The following KIAA1328 variants were observed in gnomAD, a reference collection of about 807,000 sequenced individuals.
KIAA1328 encodes protein hinderin.
A neutral mutation model predicts 68.1 loss-of-function variants in KIAA1328; 52 were observed. That is an observed-to-expected ratio of 0.76 (90% CI 0.61 to 0.96). The LOEUF (loss-of-function observed/expected upper bound fraction) is 0.96. Among genes scored for constraint, KIAA1328 ranks in the 40% least tolerant of loss-of-function variants. The pLI is 0.00. For synonymous variants in KIAA1328, 232 were observed against 239.4 expected (o/e 0.97, Z 0.28); for missense variants, 641 against 677.6 (o/e 0.95, Z 0.60).
chr18:36,839,847 C>T (rs1332340044), intron 3 of KIAA1328, among the ~76,000 whole-genome samples: 1 of 152,182 alleles, frequency 6.6e-6, no homozygotes, highest in Non-Finnish European at 1.5e-5. Flanking sequence ...CTGGTGGGAA[C>T]AGACTGTTCT....
intron 6 of KIAA1328, among the ~76,000 whole-genome samples, chr18:37,025,788 A>G (rs932897033): frequency 6.6e-6 from 1 of 152,192 alleles, no homozygotes; most frequent in African/African-American, 2.4e-5. Flanking sequence ...TCTAAAATTG[A>G]CACCCTAACA....
At chr18:37,170,449 G>C (rs1034286025) in intron 8 of KIAA1328, among the ~76,000 whole-genome samples, 3 of 152,152 alleles carry the variant, frequency 2.0e-5, no homozygotes, top group African/African-American at 7.2e-5. Context: ...AAAGTGATTA[G>C]CAGGGTACAA....
chr18:37,002,276 A>G (rs898679170), intron 6 of KIAA1328, among the ~76,000 whole-genome samples: 18 of 126,396 alleles, frequency 1.4e-4, no homozygotes, highest in Non-Finnish European at 2.9e-4. Flanking sequence ...TGTTGTGATC[A>G]TAGCTCACTG....
At chr18:37,023,760 C>A (rs1377519245) in intron 6 of KIAA1328, among the ~76,000 whole-genome samples, 1 of 152,140 alleles carries the variant, frequency 6.6e-6, no homozygotes, top group Admixed American at 6.5e-5. Flanking sequence ...AGTGTCCCCC[C>A]ATGACAGTTG....
At chr18:36,983,938 G>T (rs1047505850) in intron 6 of KIAA1328, among the ~76,000 whole-genome samples, 13 of 152,034 alleles carry the variant, frequency 8.6e-5, no homozygotes, top group African/African-American at 3.1e-4. Context: ...AGGAATACAG[G>T]TTTAATTTAG....
intron 5 of KIAA1328, among the ~76,000 whole-genome samples, chr18:36,905,951 A>T (rs145015609): frequency 1.3e-5 from 2 of 152,276 alleles, no homozygotes; most frequent in Non-Finnish European, 2.9e-5. Flanking sequence ...CATCTATTTA[A>T]TTGCTCAGTG....
chr18:37,045,292 A>G (rs1185614446), intron 6 of KIAA1328, among the ~76,000 whole-genome samples: 2 of 152,204 alleles, frequency 1.3e-5, no homozygotes, highest in Non-Finnish European at 2.9e-5. Flanking sequence ...CTTACCAAGC[A>G]GCTGCAGTGC....
intron 5 of KIAA1328, among the ~76,000 whole-genome samples, chr18:36,898,664 G>A (rs56391099): frequency 1.3e-4 from 20 of 151,742 alleles, no homozygotes; most frequent in African/African-American, 4.6e-4. Context: ...GTATAGTGAC[G>A]CCGCAGATTA....
intron 6 of KIAA1328, among the ~76,000 whole-genome samples, chr18:36,972,923 C>T (rs1168737193): frequency 1.3e-5 from 2 of 152,156 alleles, no homozygotes; most frequent in Admixed American, 6.5e-5. Flanking sequence ...AGTTAAAATT[C>T]TGTTTTGTTC....
chr18:36,837,834 A>C (rs2046731041), intron 3 of KIAA1328, among the ~76,000 whole-genome samples: 1 of 152,166 alleles, frequency 6.6e-6, no homozygotes, highest in African/African-American at 2.4e-5. Flanking sequence ...CATTTGTTAA[A>C]AAAACTGTCC....
intron 7 of KIAA1328, among the ~76,000 whole-genome samples, chr18:37,071,534 T>C (rs1185476586): frequency 6.6e-6 from 1 of 152,200 alleles, no homozygotes; most frequent in African/African-American, 2.4e-5. Flanking sequence ...AATATTTATA[T>C]AGCATTGACA....
chr18:37,204,825 C>CT (rs1038303404), intron 9 of KIAA1328, among the ~76,000 whole-genome samples: 9 of 149,994 alleles, frequency 6.0e-5, no homozygotes, highest in Non-Finnish European at 8.9e-5. Context: ...GCAGAAAGGC[C>CT]TTTAAAAAAA....
At chr18:36,936,535 T>G (rs1598755454) in intron 5 of KIAA1328, among the ~76,000 whole-genome samples, 1 of 152,198 alleles carries the variant, frequency 6.6e-6, no homozygotes, top group African/African-American at 2.4e-5. Flanking sequence ...TTGGGTTGGT[T>G]CCATGTCTTT....
intron 6 of KIAA1328, among the ~76,000 whole-genome samples, chr18:36,970,037 A>G (rs551672848): frequency 4.6e-5 from 7 of 152,210 alleles, no homozygotes; most frequent in Non-Finnish European, 8.8e-5. Context: ...TCCCCAATGA[A>G]CATTGATGTG....
intron 7 of KIAA1328, among the ~76,000 whole-genome samples, chr18:37,068,363 C>T (rs1568362897): frequency 1.3e-5 from 2 of 152,172 alleles, no homozygotes. Context: ...AATTCTCATA[C>T]ACCTATCCAC....
intron 6 of KIAA1328, among the ~76,000 whole-genome samples, chr18:36,999,709 T>C (rs2151445072): frequency 6.6e-6 from 1 of 152,186 alleles, no homozygotes; most frequent in Admixed American, 6.5e-5. Flanking sequence ...ATAAATAAAA[T>C]ATTTCACTGA....
At chr18:37,119,239 A>G (rs1047110348) in intron 7 of KIAA1328, among the ~76,000 whole-genome samples, 1 of 152,204 alleles carries the variant, frequency 6.6e-6, no homozygotes, top group Admixed American at 6.5e-5. Flanking sequence ...TGAAAATAAA[A>G]TAAAGGAAAG....
chr18:37,067,600 GCCCAGGCT>G, intron 7 of KIAA1328, 55 bp downstream of exon 7: 3 of 1,428,182 alleles, frequency 2.1e-6, no homozygotes, highest in Non-Finnish European at 1.8e-6. Context: ...TCGCCCTGTT[GCCCAGGCT>G]GGAGTGTAGT....
chr18:36,973,830 T>TACACACACACACACACACACACACAC (rs111392122), intron 6 of KIAA1328, among the ~76,000 whole-genome samples: 7 of 147,278 alleles, frequency 4.8e-5, no homozygotes, highest in East Asian at 2.0e-4. Flanking sequence ...CACACACACA[T>TACACACACACACACACACACACACAC]ACACACACAC....
Sources: gnomAD v4.1 joint callset for allele counts (sites outside exome capture counted in the v4.1 genomes callset) on GRCh38, gnomAD v4.1.1 for gene constraint, MANE v1.5 for transcripts, NCBI Gene and HGNC (gene_info 2026-07-23, HGNC 2026-07-21) for gene names.